Variants in SASH1 observed in about 807,000 individuals in gnomAD.
SASH1 encodes SAM and SH3 domain-containing protein 1.
SASH1 carries 44 observed loss-of-function variants against 125.2 expected under a neutral mutation model. The ratio of observed to expected loss-of-function variants is 0.35; its 90% CI spans 0.28 to 0.45. SASH1 has a LOEUF of 0.45. Ranked by LOEUF, SASH1 falls within the 20% of genes least tolerant of loss-of-function variation. The pLI is 1.00. For synonymous variants in SASH1, 639 were observed against 649.1 expected (o/e 0.98, Z 0.24); for missense variants, 1,426 against 1,614.5 (o/e 0.88, Z 2.00).
chr6:148,474,350 A>C lies in SASH1; in HGVS notation c.627+128A>C, dbSNP rs530079912. 45 of 576,844 alleles carry C rather than the reference A, an allele frequency of 7.8e-5. No homozygotes were observed. In the East Asian group the frequency reaches 1.3e-3, roughly 17 times the overall value. The allele number at this position is 576,844 out of a possible 1,614,324, so 35.7% of individuals were successfully genotyped here. On this transcript the variant is annotated intron_variant, in intron 7 of 19. Coordinates refer to ENST00000367467, the MANE Select transcript of SASH1 (RefSeq NM_015278.5). ...GTCAGATAAAATATTTATTCTGTTT[A>C]CTTGATACAAACATTCTACTTTGTG...
intron 1 of SASH1, among the ~76,000 whole-genome samples, chr6:148,293,313 G>A (rs1012703071): frequency 6.6e-6 from 1 of 152,206 alleles, no homozygotes; most frequent in African/African-American, 2.4e-5. Context: ...TTGGCTCCTT[G>A]CATGCAGCCA....
At chr6:148,339,808 G>C (rs1781269621), upstream of SASH1, among the ~76,000 whole-genome samples, 1 of 152,124 alleles carries the variant, frequency 6.6e-6, no homozygotes, top group African/African-American at 2.4e-5. Flanking sequence ...GTCTCCCAAA[G>C]TGCTGAGATT....
intron 6 of SASH1, among the ~76,000 whole-genome samples, chr6:148,473,096 C>G (rs1778188853): frequency 2.0e-5 from 3 of 152,178 alleles, no homozygotes; most frequent in Admixed American, 1.3e-4. Flanking sequence ...CTCTGAGGTT[C>G]TAGCTGCCTT....
intron 4 of SASH1, among the ~76,000 whole-genome samples, chr6:148,450,453 C>T (rs759415947): frequency 3.9e-5 from 6 of 152,078 alleles, no homozygotes; most frequent in Non-Finnish European, 8.8e-5. Flanking sequence ...GCATTGGAAG[C>T]ATTTCCTTCC....
At chr6:148,362,676 C>T (rs1428130535) in intron 1 of SASH1, among the ~76,000 whole-genome samples, 1 of 151,646 alleles carries the variant, frequency 6.6e-6, no homozygotes, top group Non-Finnish European at 1.5e-5. Context: ...TAGTGAGACC[C>T]CTTCTCTACA....
At chr6:148,408,948 C>T (rs1784486792) in intron 2 of SASH1, among the ~76,000 whole-genome samples, 1 of 152,216 alleles carries the variant, frequency 6.6e-6, no homozygotes, top group Non-Finnish European at 1.5e-5. Flanking sequence ...CTGCCTCCCT[C>T]CCACCACCTT....
At chr6:148,457,292 C>T (rs764438059) in intron 4 of SASH1, among the ~76,000 whole-genome samples, 122 of 151,414 alleles carry the variant, frequency 8.1e-4, no homozygotes, top group Non-Finnish European at 1.4e-3. Flanking sequence ...TTAAATTGCA[C>T]TTTCAGTACC....
the SASH1 span, among the ~76,000 whole-genome samples, chr6:148,263,813 T>G: frequency 6.6e-6 from 1 of 152,204 alleles, no homozygotes. Flanking sequence ...TTAGAAGGAA[T>G]GTTACTGTTT....
chr6:148,335,707 CAG>C (rs1781134835), intron 1 of SASH1, among the ~76,000 whole-genome samples: 1 of 152,078 alleles, frequency 6.6e-6, no homozygotes, highest in African/African-American at 2.4e-5. Flanking sequence ...CAATGCCTGG[CAG>C]AGAGTAGGTT....
chr6:148,501,618 A>G (rs1350999704), intron 8 of SASH1, among the ~76,000 whole-genome samples: 1 of 152,188 alleles, frequency 6.6e-6, no homozygotes, highest in Non-Finnish European at 1.5e-5. Flanking sequence ...CCTATTTAAT[A>G]TGAAACAATA....
chr6:148,446,343 C>T (rs190683360), intron 4 of SASH1, among the ~76,000 whole-genome samples: 2 of 152,146 alleles, frequency 1.3e-5, no homozygotes, highest in East Asian at 1.9e-4. Flanking sequence ...CTCCTGACCT[C>T]ATGATCCGCC....
At chr6:148,306,401 A>C (rs973226955) in intron 1 of SASH1, among the ~76,000 whole-genome samples, 2 of 152,198 alleles carry the variant, frequency 1.3e-5, no homozygotes, top group African/African-American at 4.8e-5. Flanking sequence ...CTGAGCCCCA[A>C]GGTTCCAGGC....
chr6:148,476,915 T>G (rs1427394109), intron 7 of SASH1, among the ~76,000 whole-genome samples: 1 of 152,152 alleles, frequency 6.6e-6, no homozygotes, highest in South Asian at 2.1e-4. Flanking sequence ...AACCCGTGCA[T>G]CTGCAGTGAA....
chr6:148,416,354 A>G (rs1337469178), intron 2 of SASH1, among the ~76,000 whole-genome samples: 1 of 152,104 alleles, frequency 6.6e-6, no homozygotes, highest in East Asian at 1.9e-4. Flanking sequence ...CTATTTAATA[A>G]TCCCCACTAG....
chr6:148,220,947 A>G, the SASH1 span, among the ~76,000 whole-genome samples: 10 of 152,236 alleles, frequency 6.6e-5, no homozygotes, highest in East Asian at 1.4e-3. Flanking sequence ...AATAGACCCC[A>G]TATCTAACAA....
At chr6:148,348,298 T>C (rs1385511510) in intron 1 of SASH1, among the ~76,000 whole-genome samples, 3 of 152,104 alleles carry the variant, frequency 2.0e-5, no homozygotes, top group East Asian at 3.9e-4. Flanking sequence ...CTGGCCGGCT[T>C]TGATAATTTT....
At chr6:148,196,152 T>C in the SASH1 span, among the ~76,000 whole-genome samples, 2 of 152,216 alleles carry the variant, frequency 1.3e-5, no homozygotes, top group African/African-American at 2.4e-5. Flanking sequence ...TTAGTGCATC[T>C]GAGTTCTTGA....
rs1317403460 is a variant in SASH1 at position 148,421,157 on chromosome 6, G to GGAAGGAAGA, written c.286-19027_286-19026insGAAGGAAGA. On this transcript the variant is annotated intron_variant, in intron 2 of 19. Transcript: ENST00000367467. The stretch of plus-strand genomic sequence containing the variant: ...AGGAAGGAAGGAAGGAAGAAAGAAA[G>GGAAGGAAGA]AAAGAAAGAAAGAAAGAAAGAAAGA... Among the ~76,000 whole-genome samples the GGAAGGAAGA allele has an allele frequency of 1.2e-4, 10 of 83,654 alleles. 1 individual carries two copies. Among genetic ancestry groups the GGAAGGAAGA allele is most frequent in the South Asian group, 3.6e-4 (1 of 2,768 alleles). The allele number at this position is 83,654 out of a possible 152,430, so 54.9% of individuals were successfully genotyped here.
chr6:148,263,751 G>A, the SASH1 span, among the ~76,000 whole-genome samples: 4 of 152,286 alleles, frequency 2.6e-5, no homozygotes, highest in African/African-American at 9.6e-5. Flanking sequence ...GACTTTTAGA[G>A]CTGTAAAATG....
Sources: allele counts gnomAD v4.1 joint callset (sites outside exome capture counted in the v4.1 genomes callset), GRCh38; gene constraint gnomAD v4.1.1; transcripts MANE v1.5; gene names NCBI Gene and HGNC (gene_info 2026-07-23, HGNC 2026-07-21).